GBF1: variants seen among roughly 807,000 people sequenced by gnomAD.
GBF1 encodes the protein Golgi-specific brefeldin A-resistance guanine nucleotide exchange factor 1.
GBF1 carries 114 observed loss-of-function variants against 210.5 expected under a neutral mutation model. The ratio of observed to expected loss-of-function variants is 0.54; its 90% CI spans 0.47 to 0.63. The LOEUF is 0.63. GBF1 is among the 30% of genes least tolerant of loss of function. The pLI, the probability that GBF1 is intolerant of heterozygous loss-of-function variation, is 0.00. For missense variants in GBF1, 1,851 were observed against 2,357.7 expected, an observed-to-expected ratio of 0.79 and a Z score of 4.45; for synonymous variants, 850 against 889.2, an observed-to-expected ratio of 0.96 and a Z score of 0.78.
intron 39 of GBF1, among the ~76,000 whole-genome samples, chr10:102,381,728 G>C (rs1053323636): frequency 1.3e-5 from 2 of 151,100 alleles, no homozygotes; most frequent in Non-Finnish European, 2.9e-5. Context: ...GGGAGGCTGA[G>C]GTGGAAGGAT....
intron 3 of GBF1, among the ~76,000 whole-genome samples, chr10:102,278,297 T>C (rs1259325397): frequency 6.6e-6 from 1 of 151,720 alleles, no homozygotes; most frequent in Non-Finnish European, 1.5e-5. Flanking sequence ...TTTAGAGTTA[T>C]GGAGTTATCT....
chr10:102,312,839 T>C (rs1435040916), intron 3 of GBF1, among the ~76,000 whole-genome samples: 1 of 152,196 alleles, frequency 6.6e-6, no homozygotes, highest in Non-Finnish European at 1.5e-5. Context: ...TGTTGCTTTC[T>C]CTGTCTGTGT....
chr10:102,359,792 T>C (rs2059493100), intron 11 of GBF1, among the ~76,000 whole-genome samples: 1 of 151,726 alleles, frequency 6.6e-6, no homozygotes, highest in African/African-American at 2.4e-5. Flanking sequence ...TTTTTTTTTT[T>C]TCCTGTCGCC....
At chr10:102,248,617 AT>A (rs964053972) in intron 1 of GBF1, among the ~76,000 whole-genome samples, 28 of 147,258 alleles carry the variant, frequency 1.9e-4, no homozygotes, top group African/African-American at 5.5e-4. Context: ...CCATGCCTTT[AT>A]TTTTTTTTTG....
At chr10:102,246,927 G>A (rs2070908440) in intron 1 of GBF1, among the ~76,000 whole-genome samples, 2 of 152,230 alleles carry the variant, frequency 1.3e-5, no homozygotes, top group African/African-American at 4.8e-5. Flanking sequence ...CTTCTTAAAA[G>A]TAGTAGCATG....
At chr10:102,301,349 A>G (rs1216153474) in intron 3 of GBF1, among the ~76,000 whole-genome samples, 2 of 152,268 alleles carry the variant, frequency 1.3e-5, no homozygotes, top group Admixed American at 1.3e-4. Flanking sequence ...TTCTTAGTAC[A>G]GAACAAAGTG....
chr10:102,277,363 C>A (rs1386440101), intron 3 of GBF1, among the ~76,000 whole-genome samples: 1 of 149,966 alleles, frequency 6.7e-6, no homozygotes, highest in Non-Finnish European at 1.5e-5. Flanking sequence ...TTTTCTAAAT[C>A]ATTTGAGAGT....
chr10:102,329,013 A>AT (rs1206738194), intron 3 of GBF1, among the ~76,000 whole-genome samples: 3 of 152,170 alleles, frequency 2.0e-5, no homozygotes, highest in Non-Finnish European at 4.4e-5. Flanking sequence ...GGGCTTTCAG[A>AT]TTGCCTGCTT....
intron 29 of GBF1, among the ~76,000 whole-genome samples, chr10:102,375,116 G>A (rs886698383): frequency 6.6e-6 from 1 of 151,832 alleles, no homozygotes; most frequent in Admixed American, 6.6e-5. Context: ...TCAGGTTGCA[G>A]TGAGCTGTGA....
chr10:102,370,096 C>T, intron 26 of GBF1, 78 bp from the exon 27 acceptor site: 2 of 1,513,638 alleles, frequency 1.3e-6, no homozygotes, highest in Non-Finnish European at 1.8e-6. Context: ...TGACTCTGCC[C>T]TCTCCCCCTG....
At chr10:102,316,084 CTTTTTTT>C (rs912378779) in intron 3 of GBF1, among the ~76,000 whole-genome samples, 1 of 133,110 alleles carries the variant, frequency 7.5e-6, no homozygotes, top group Non-Finnish European at 1.6e-5. Flanking sequence ...CTTCCCTCCA[CTTTTTTT>C]TTTTTTTTTT....
At chr10:102,294,421 G>A (rs1271975963) in intron 3 of GBF1, among the ~76,000 whole-genome samples, 5 of 146,302 alleles carry the variant, frequency 3.4e-5, no homozygotes, top group Non-Finnish European at 7.5e-5. Flanking sequence ...TTGCTCTGTC[G>A]CCCAGGCTGG....
upstream of GBF1, among the ~76,000 whole-genome samples, chr10:102,244,270 G>A (rs930789262): frequency 3.3e-5 from 5 of 152,182 alleles, no homozygotes; most frequent in African/African-American, 7.2e-5. Context: ...GACTTGGGTC[G>A]TCCATAATTG....
At chr10:102,231,758 C>T in the GBF1 span, 2 of 1,607,196 alleles carry the variant, frequency 1.2e-6, no homozygotes, top group Non-Finnish European at 1.7e-6. Flanking sequence ...TCTGGGGAGC[C>T]GCCGGGCAGC....
intron 30 of GBF1, 76 bp downstream of exon 30, chr10:102,375,660 C>A: frequency 3.2e-6 from 3 of 923,272 alleles, no homozygotes; most frequent in South Asian, 1.4e-5. Context: ...GAAAACAAAA[C>A]ACAGGTTACT....
chr10:102,343,324 C>T (rs1025010176), intron 3 of GBF1, among the ~76,000 whole-genome samples: 2 of 152,154 alleles, frequency 1.3e-5, no homozygotes, highest in African/African-American at 4.8e-5. Flanking sequence ...CAGGAGCCCA[C>T]CTTGGGACCT....
chr10:102,323,239 GA>G (rs775888621), intron 3 of GBF1, among the ~76,000 whole-genome samples: 1,480 of 65,856 alleles, frequency 0.022, 12 homozygotes, highest in African/African-American at 0.075. Flanking sequence ...CTCCAAAATT[GA>G]AAAAAAAAAA....
chr10:102,341,655 GTCA>G (rs2058189095), intron 3 of GBF1, among the ~76,000 whole-genome samples: 1 of 152,182 alleles, frequency 6.6e-6, no homozygotes, highest in Non-Finnish European at 1.5e-5. Flanking sequence ...AAAAATTTCA[GTCA>G]TCATGTTGAA....
chr10:102,269,701 G>A (rs567312038), intron 3 of GBF1, among the ~76,000 whole-genome samples: 2 of 152,234 alleles, frequency 1.3e-5, no homozygotes, highest in South Asian at 2.1e-4. Context: ...TGTAGAATGA[G>A]AAAGCCTCAT....
Sources: gnomAD v4.1 joint callset for allele counts (sites outside exome capture counted in the v4.1 genomes callset) on GRCh38, gnomAD v4.1.1 for gene constraint, MANE v1.5 for transcripts, NCBI Gene and HGNC (gene_info 2026-07-23, HGNC 2026-07-21) for gene names.